REXO5: variants seen among roughly 807,000 people sequenced by gnomAD.
The protein encoded by REXO5 is exonuclease NEF-sp.
Under a neutral mutation model 88.5 loss-of-function variants are expected in REXO5, and 48 were observed. That is an observed-to-expected ratio of 0.54 (90% CI 0.43 to 0.69). The LOEUF is 0.69. Among genes scored for constraint, REXO5 ranks in the 30% least tolerant of loss-of-function variants. The probability of loss-of-function intolerance (pLI) is 0.00; values close to 1 mark genes in which losing one functional copy is unlikely to be tolerated. For missense variants in REXO5, 749 were observed against 912.2 expected, an observed-to-expected ratio of 0.82 and a Z score of 2.30; for synonymous variants, 311 against 336.5, an observed-to-expected ratio of 0.92 and a Z score of 0.83.
At chr16:20,832,796 C>G (rs2081366629) in intron 12 of REXO5, among the ~76,000 whole-genome samples, 1 of 152,180 alleles carries the variant, frequency 6.6e-6, no homozygotes, top group African/African-American at 2.4e-5. Context: ...GATGGAAGTG[C>G]TCTACATCTG....
chr16:20,833,040 C>CT lies in REXO5; in HGVS notation c.1307dup (p.Leu436PhefsTer9). On this transcript the variant is annotated frameshift_variant, in exon 13 of 20. Transcript: ENST00000261377. LOFTEE classifies it high-confidence loss of function. ...CTTGGATTCAGTGGGTCAGAAGCTT[C>CT]TTTTTTTGACCCGGGAGACAGATGC... is the stretch of plus-strand genomic sequence containing the variant. 3 of 1,613,608 alleles carry CT rather than the reference C, an allele frequency of 1.9e-6. No homozygotes were observed. Among genetic ancestry groups the CT allele is most frequent in the Non-Finnish European group, 2.5e-6 (3 of 1,179,596 alleles).
chr16:20,821,705 T>G, intron 5 of REXO5, 57 bp from the exon 6 acceptor site: 1 of 1,475,836 alleles, frequency 6.8e-7, no homozygotes, highest in East Asian at 2.4e-5. Flanking sequence ...TAGGAGACAT[T>G]TCTTCTAGGG....
intron 19 of REXO5, among the ~76,000 whole-genome samples, chr16:20,848,638 G>C (rs910660739): frequency 8.5e-5 from 13 of 152,108 alleles, no homozygotes; most frequent in African/African-American, 3.1e-4. Context: ...GTTTGTCTTT[G>C]CTCATTTCTA....
intron 19 of REXO5, among the ~76,000 whole-genome samples, chr16:20,848,079 A>G (rs981342660): frequency 1.3e-5 from 2 of 152,186 alleles, no homozygotes; most frequent in Non-Finnish European, 2.9e-5. Context: ...AACTACTCCT[A>G]TCCTTTAAAA....
intron 2 of REXO5, among the ~76,000 whole-genome samples, chr16:20,809,069 A>G (rs1406699412): frequency 6.6e-6 from 1 of 151,938 alleles, no homozygotes; most frequent in Non-Finnish European, 1.5e-5. Flanking sequence ...TTTTTTGCCT[A>G]TCAAATTTGC....
intron 2 of REXO5, among the ~76,000 whole-genome samples, chr16:20,810,469 A>T (rs1251611651): frequency 2.0e-5 from 3 of 151,358 alleles, no homozygotes; most frequent in Non-Finnish European, 4.4e-5. Flanking sequence ...GTGCAGTGGC[A>T]TGATCTCTGC....
intron 19 of REXO5, among the ~76,000 whole-genome samples, chr16:20,847,184 C>T (rs976489242): frequency 1.9e-4 from 29 of 150,840 alleles, no homozygotes; most frequent in Admixed American, 4.0e-4. Context: ...CCAAGGTGAG[C>T]GGAGCACTTG....
intron 16 of REXO5, 25 bp from the exon 17 acceptor site, chr16:20,844,604 A>T: frequency 6.2e-7 from 1 of 1,607,670 alleles, no homozygotes; most frequent in Non-Finnish European, 8.5e-7. Context: ...ATTTTCTACC[A>T]CTAACACCAA....
In REXO5 at chr16:20,813,203, C is replaced by G. The variant is rs2081027528; in HGVS notation, c.152C>G (p.Ser51Cys). The G allele has an allele frequency of 6.2e-7, 1 of 1,613,080 alleles. No homozygotes were observed. Among genetic ancestry groups the G allele is most frequent in the South Asian group, 1.1e-5 (1 of 91,060 alleles). ...TAATCTTTGCAGAAAGCCCGCTTAT[C>G]TACCATTTTATTTACTGACAACTGT... ...SQPEAKKARL[S>C]TILFTDNCEV... Residue 51 changes from serine (S) to cysteine (C), a missense_variant, in exon 3 of 20, where the codon TCT (serine) becomes TGT (cysteine). By Grantham distance (112) the Ser-to-Cys change is moderately radical (BLOSUM62 -1). Transcript: ENST00000261377.
At chr16:20,825,495 G>A (rs1276379800) in intron 7 of REXO5, 1 of 183,414 alleles carries the variant, frequency 5.5e-6, no homozygotes, top group Admixed American at 6.0e-5. Flanking sequence ...TACAGCACTA[G>A]CTGATAATAG....
chr16:20,812,180 C>T lies in REXO5; in HGVS notation c.139-1010C>T, dbSNP rs370142671. On this transcript the variant is annotated intron_variant, in intron 2 of 19. Coordinates refer to ENST00000261377, the MANE Select transcript of REXO5 (RefSeq NM_030941.3). ...ATTTTACAATTCTCTGTTAATGAGTCTTTTGTAACAAACACGAATTACTTT... is the reference window on the plus strand; with the variant it reads ...ATTTTACAATTCTCTGTTAATGAGTTTTTTGTAACAAACACGAATTACTTT... Among the ~76,000 whole-genome samples the T allele has an allele frequency of 9.1e-4, 139 of 152,258 alleles. 4 individuals are homozygous for T. In the South Asian group the frequency reaches 0.028, roughly 31 times the overall value.
chr16:20,819,447 CT>C (rs35337424), intron 5 of REXO5, among the ~76,000 whole-genome samples: 55,282 of 123,356 alleles, frequency 0.45, 12,554 homozygotes, highest in Non-Finnish European at 0.58. Flanking sequence ...TTCTTTCCTC[CT>C]TTTTTTTTTT....
chr16:20,813,345 T>TTTTTTC (rs748071451), intron 3 of REXO5, 43 bp downstream of exon 3: 6,086 of 126,480 alleles, frequency 0.048, 29 homozygotes, highest in East Asian at 0.14. Flanking sequence ...CAGCGGTTTC[T>TTTTTTC]TTTTTTTTTT....
chr16:20,830,145 A>T (rs1244985019), intron 11 of REXO5, among the ~76,000 whole-genome samples: 3 of 152,184 alleles, frequency 2.0e-5, no homozygotes, highest in Non-Finnish European at 2.9e-5. Flanking sequence ...TCAGTCACTT[A>T]GTGGGTGTTA....
At chr16:20,842,599 T>C (rs1329979283) in intron 15 of REXO5, among the ~76,000 whole-genome samples, 1 of 151,490 alleles carries the variant, frequency 6.6e-6, no homozygotes, top group Non-Finnish European at 1.5e-5. Flanking sequence ...CTCAGCCTCC[T>C]GCTGGGACCA....
intron 5 of REXO5, among the ~76,000 whole-genome samples, chr16:20,817,720 G>A (rs1291879923): frequency 6.6e-6 from 1 of 152,082 alleles, no homozygotes; most frequent in Non-Finnish European, 1.5e-5. Flanking sequence ...GAGTCCCCAA[G>A]GCATAGTCCC....
rs1463709343 is a variant in REXO5, at chr16:20,828,591, C to T, written c.1158+54C>T. ...TTTTCTTAAAATCATGGGACTAGATCAGATTATCACAGACTACCAACTCCT... is the reference window on the plus strand; with the variant it reads ...TTTTCTTAAAATCATGGGACTAGATTAGATTATCACAGACTACCAACTCCT... On this transcript the variant is annotated intron_variant, in intron 11 of 19. Coordinates refer to ENST00000261377, the MANE Select transcript of REXO5 (RefSeq NM_030941.3). 3.4e-6 allele frequency: 4 copies of T among 1,170,830 alleles called. No homozygotes were observed. In the Admixed American group the frequency reaches 5.1e-5, roughly 15 times the overall value. The allele number at this position is 1,170,830 out of a possible 1,614,324, so 72.5% of individuals were successfully genotyped here.
At position 20,833,003 on chromosome 16, in the gene REXO5, T is replaced by C; in HGVS notation, c.1263T>C (p.Ser421=). 1.2e-6 allele frequency: 2 copies of C among 1,611,410 alleles called. No homozygotes were observed. Among genetic ancestry groups the C allele is most frequent in the Non-Finnish European group, 1.7e-6 (2 of 1,178,650 alleles). ...TAEVLQHPNT[S]VLECLDSVGQ... ...CCTTAACTCTTCTACTTCTTTATAG[T>C]GTTTTAGAATGCTTGGATTCAGTGG... The change falls in exon 13 of 20, where the codon AGT becomes AGC. Residue 421 remains serine, a splice_region_variant and synonymous_variant. Transcript: ENST00000261377.
At chr16:20,817,234 T>G (rs1459686656) in intron 5 of REXO5, among the ~76,000 whole-genome samples, 1 of 152,212 alleles carries the variant, frequency 6.6e-6, no homozygotes, top group African/African-American at 2.4e-5. Flanking sequence ...CACTTCTAAT[T>G]TTCTATCTTT....
Sources: gnomAD v4.1 joint callset for allele counts (sites outside exome capture counted in the v4.1 genomes callset) on GRCh38, gnomAD v4.1.1 for gene constraint, MANE v1.5 for transcripts, NCBI Gene and HGNC (gene_info 2026-07-23, HGNC 2026-07-21) for gene names.